PPP2R5E: variants seen among roughly 807,000 people sequenced by gnomAD.
PPP2R5E encodes the protein serine/threonine-protein phosphatase 2A 56 kDa regulatory subunit epsilon isoform.
Under a neutral mutation model 65.3 loss-of-function variants are expected in PPP2R5E, and 4 were observed. The observed-to-expected ratio is 0.06, with a 90% CI of 0.03 to 0.14. PPP2R5E has a LOEUF of 0.14. Ranked by LOEUF, PPP2R5E falls within the 10% of genes least tolerant of loss-of-function variation. The probability of loss-of-function intolerance (pLI) is 1.00; values close to 1 mark genes in which losing one functional copy is unlikely to be tolerated. For synonymous variants in PPP2R5E, 183 were observed against 187.4 expected (o/e 0.98, Z 0.19); for missense variants, 274 against 556.1 (o/e 0.49, Z 5.10).
intron 5 of PPP2R5E, among the ~76,000 whole-genome samples, chr14:63,408,486 G>A (rs935788006): frequency 6.6e-6 from 1 of 152,062 alleles, no homozygotes; most frequent in Non-Finnish European, 1.5e-5. Flanking sequence ...GCGCTATTAT[G>A]TTCCATTCTA....
At chr14:63,496,101 T>G (rs1158751169) in intron 2 of PPP2R5E, among the ~76,000 whole-genome samples, 1 of 152,196 alleles carries the variant, frequency 6.6e-6, no homozygotes, top group African/African-American at 2.4e-5. Context: ...TAAATATCAC[T>G]ACTTCTATAA....
At position 63,539,796 on chromosome 14, in the gene PPP2R5E, G is replaced by C. The variant is rs74245193; in HGVS notation, c.-7-104C>G. On this transcript the variant is annotated intron_variant, in intron 1 of 13. Coordinates refer to ENST00000337537, the MANE Select transcript of PPP2R5E (RefSeq NM_006246.5). Reference sequence around the variant, plus strand: ...CCCATATACAATATTCATGAAAATGGGAATATGTGCTAAAGAAAATAAAAT... The same window carrying C: ...CCCATATACAATATTCATGAAAATGCGAATATGTGCTAAAGAAAATAAAAT... The C allele has an allele frequency of 6.7e-3, 8,028 of 1,195,894 alleles. 571 individuals are homozygous for C. The East Asian group carries it at 0.16, about 24-fold the overall frequency. The allele number at this position is 1,195,894 out of a possible 1,614,324, so 74.1% of individuals were successfully genotyped here.
chr14:63,423,390 C>T (rs919389213), intron 3 of PPP2R5E, among the ~76,000 whole-genome samples: 2 of 152,216 alleles, frequency 1.3e-5, no homozygotes, highest in Non-Finnish European at 2.9e-5. Flanking sequence ...AGACACCACA[C>T]CTGGCCTATT....
intron 2 of PPP2R5E, among the ~76,000 whole-genome samples, chr14:63,534,289 ACTTT>A (rs893030455): frequency 4.0e-5 from 6 of 151,066 alleles, no homozygotes; most frequent in Non-Finnish European, 8.9e-5. Context: ...CCAAGTCTTG[ACTTT>A]CTTTTTTTTT....
At chr14:63,526,056 C>T (rs1180933486) in intron 2 of PPP2R5E, among the ~76,000 whole-genome samples, 4 of 152,064 alleles carry the variant, frequency 2.6e-5, no homozygotes, top group Non-Finnish European at 5.9e-5. Context: ...GATGGGGTTA[C>T]ACCATGTTGG....
At chr14:63,475,664 A>G (rs1271127188) in intron 2 of PPP2R5E, among the ~76,000 whole-genome samples, 2 of 152,248 alleles carry the variant, frequency 1.3e-5, no homozygotes, top group East Asian at 1.9e-4. Context: ...ACAAAGGCAA[A>G]GAAGAACTGT....
intron 3 of PPP2R5E, among the ~76,000 whole-genome samples, chr14:63,433,139 G>A (rs1431532509): frequency 2.1e-5 from 3 of 145,110 alleles, no homozygotes; most frequent in African/African-American, 7.6e-5. Flanking sequence ...CTGGACACAA[G>A]TGATCCTCCC....
chr14:63,499,800 C>T (rs1566746005), intron 2 of PPP2R5E, among the ~76,000 whole-genome samples: 1 of 152,152 alleles, frequency 6.6e-6, no homozygotes, highest in South Asian at 2.1e-4. Context: ...CTATTCTAGT[C>T]CAGTTGTCTC....
intron 4 of PPP2R5E, 45 bp from the exon 5 acceptor site, chr14:63,415,277 A>C (rs1369095660): frequency 2.1e-6 from 3 of 1,403,158 alleles, no homozygotes; most frequent in Non-Finnish European, 2.0e-6. Flanking sequence ...TGACTCACTG[A>C]GAACAGTACT....
At chr14:63,502,975 T>TA (rs1891968118) in intron 2 of PPP2R5E, among the ~76,000 whole-genome samples, 1 of 151,874 alleles carries the variant, frequency 6.6e-6, no homozygotes, top group African/African-American at 2.4e-5. Context: ...GAAACAAAAA[T>TA]ACAAAGACAG....
chr14:63,387,392 C>T (rs1043628379), intron 11 of PPP2R5E, among the ~76,000 whole-genome samples: 1 of 152,152 alleles, frequency 6.6e-6, no homozygotes, highest in Non-Finnish European at 1.5e-5. Flanking sequence ...TGTCTGACAA[C>T]AGGACAGAGC....
chr14:63,482,044 T>A (rs568561899), intron 2 of PPP2R5E, among the ~76,000 whole-genome samples: 2 of 152,348 alleles, frequency 1.3e-5, no homozygotes, highest in African/African-American at 4.8e-5. Flanking sequence ...CATTTTAAAA[T>A]ATCCTAGAAA....
rs370188725 is a variant in PPP2R5E at position 63,432,624 on chromosome 14, A to T, written c.355-10530T>A. The stretch of plus-strand genomic sequence containing the variant: ...ACTCTCCTTGACCTGTGGCATGTTC[A>T]TCAGAAGACAGAGGTGCCACAAAGA... On this transcript the variant is annotated intron_variant, in intron 3 of 13. Coordinates refer to ENST00000337537, the MANE Select transcript of PPP2R5E (RefSeq NM_006246.5). Among the ~76,000 whole-genome samples, 1,044 of 152,266 alleles carry T rather than the reference A, an allele frequency of 6.9e-3. 3 individuals carry two copies. The highest frequency in any genetic ancestry group is 0.011 in the Non-Finnish European group (779 of 68,026).
chr14:63,385,386 AAAG>A (rs1368085496), intron 11 of PPP2R5E, among the ~76,000 whole-genome samples: 1 of 152,144 alleles, frequency 6.6e-6, no homozygotes, highest in Non-Finnish European at 1.5e-5. Flanking sequence ...CAGGGAAGGA[AAAG>A]AAGTTTTCCT....
At chr14:63,504,664 AC>A (rs1313101256) in intron 2 of PPP2R5E, among the ~76,000 whole-genome samples, 15 of 152,222 alleles carry the variant, frequency 9.9e-5, no homozygotes, top group Non-Finnish European at 1.2e-4. Context: ...GGAATGAGAT[AC>A]AAAAAACAAG....
chr14:63,534,597 T>C (rs1893590782), intron 2 of PPP2R5E, among the ~76,000 whole-genome samples: 1 of 152,078 alleles, frequency 6.6e-6, no homozygotes, highest in Non-Finnish European at 1.5e-5. Flanking sequence ...AGTGAATGAG[T>C]AAGAATCTTT....
intron 2 of PPP2R5E, among the ~76,000 whole-genome samples, chr14:63,528,001 TAC>T: frequency 6.6e-6 from 1 of 151,912 alleles, no homozygotes; most frequent in East Asian, 1.9e-4. Flanking sequence ...CCCCAGGGCC[TAC>T]ATTCTTACTG....
intron 11 of PPP2R5E, among the ~76,000 whole-genome samples, chr14:63,387,004 T>A (rs959957286): frequency 6.6e-6 from 1 of 151,586 alleles, no homozygotes; most frequent in East Asian, 1.9e-4. Flanking sequence ...GGAAAGGGCA[T>A]TCCAGGTAGA....
At chr14:63,427,619 T>C (rs1281695199) in intron 3 of PPP2R5E, among the ~76,000 whole-genome samples, 1 of 151,568 alleles carries the variant, frequency 6.6e-6, no homozygotes, top group Non-Finnish European at 1.5e-5. Context: ...CATCTCTCTA[T>C]TAAAAAAAGA....
Sources: gnomAD v4.1 joint callset for allele counts (sites outside exome capture counted in the v4.1 genomes callset) on GRCh38, gnomAD v4.1.1 for gene constraint, MANE v1.5 for transcripts, NCBI Gene and HGNC (gene_info 2026-07-23, HGNC 2026-07-21) for gene names.